Variants in GALNT15 observed in about 807,000 individuals in gnomAD.
GALNT15 encodes UDP-GalNAc transferase T15.
A neutral mutation model predicts 66.8 loss-of-function variants in GALNT15; 67 were observed. That is an observed-to-expected ratio of 1.00 (90% CI 0.82 to 1.23). The LOEUF (loss-of-function observed/expected upper bound fraction) is 1.23, where lower values mean the gene tolerates loss of function less well. Ranked by LOEUF, GALNT15 falls within the 50% of genes most tolerant of loss-of-function variation. The probability of loss-of-function intolerance (pLI) is 0.00; values close to 1 mark genes in which losing one functional copy is unlikely to be tolerated. For synonymous variants in GALNT15, 313 were observed against 311.5 expected, an observed-to-expected ratio of 1.00 and a Z score of -0.05; for missense variants, 827 against 804.3, an observed-to-expected ratio of 1.03 and a Z score of -0.34.
chr3:16,201,328 C>G (rs887804266), intron 3 of GALNT15, among the ~76,000 whole-genome samples: 1 of 151,980 alleles, frequency 6.6e-6, no homozygotes, highest in Non-Finnish European at 1.5e-5. Context: ...ACTACAGGCG[C>G]CCGCCACCAC....
chr3:16,202,836 C>T (rs1180897613), intron 3 of GALNT15, among the ~76,000 whole-genome samples: 1 of 152,228 alleles, frequency 6.6e-6, no homozygotes, highest in Non-Finnish European at 1.5e-5. Context: ...TGTCTTACCT[C>T]ATGATTTCGC....
chr3:16,175,538 A>C lies in GALNT15; in HGVS notation c.387A>C (p.Glu129Asp), dbSNP rs776244969. 6.2e-7 allele frequency: 1 copy of C among 1,614,064 alleles called. No homozygotes were observed. Among genetic ancestry groups the C allele is most frequent in the East Asian group, 2.2e-5 (1 of 44,870 alleles). The change falls in exon 1 of 10, where the codon GAA becomes GAC. Residue 129 changes from glutamate (E) to aspartate (D), a missense_variant. Glu to Asp is a conservative substitution (Grantham distance 45). Transcript: ENST00000339732. This position sits in a 1 kb window ranked among gnomAD's most constrained non-coding sequence, Gnocchi z 5.6. The stretch of plus-strand genomic sequence containing the variant: ...AGCAGCCAAGGAGGCAGGATAAGGA[A>C]GCCCCAAAGAGGGACTGGGGGGCTG... ...LIKQPRRQDKEAPKRDWGADE... is the reference protein window; with the variant it reads ...LIKQPRRQDKDAPKRDWGADE...
At position 16,180,738 on chromosome 3, in the gene GALNT15, T is replaced by C. The variant is rs1052018923; in HGVS notation, c.539+5048T>C. Among the ~76,000 whole-genome samples, 1 of 152,246 alleles carries C rather than the reference T, an allele frequency of 6.6e-6. No individual in the cohort carries two copies. The highest frequency in any genetic ancestry group is 2.4e-5 in the African/African-American group (1 of 41,468). ...GAGCAGAGAGGAACAGGCTCCCTCA[T>C]GGCCCCGGCAGTTTGTCCCTAAACA... is the stretch of plus-strand genomic sequence containing the variant. On this transcript the variant is annotated intron_variant, in intron 1 of 9. Coordinates refer to ENST00000339732, the MANE Select transcript of GALNT15 (RefSeq NM_054110.5). The surrounding 1 kb of genome is among the most constrained non-coding windows in gnomAD (Gnocchi z 5.0).
chr3:16,213,535 C>T (rs951442551), intron 6 of GALNT15, among the ~76,000 whole-genome samples: 6 of 151,430 alleles, frequency 4.0e-5, no homozygotes, highest in African/African-American at 4.9e-5. Flanking sequence ...ACAAACAGCA[C>T]ATTATCAATT....
At chr3:16,194,663 A>C (rs1221939218) in intron 1 of GALNT15, among the ~76,000 whole-genome samples, 1 of 152,234 alleles carries the variant, frequency 6.6e-6, no homozygotes, top group African/African-American at 2.4e-5. Context: ...AAAAGGAATG[A>C]GATCCTGTCC....
At chr3:16,216,437 T>G (rs561017722) in intron 6 of GALNT15, among the ~76,000 whole-genome samples, 1 of 151,068 alleles carries the variant, frequency 6.6e-6, no homozygotes, top group East Asian at 2.0e-4. Flanking sequence ...AGGTGGAGTT[T>G]GTAGTGAGCT....
At chr3:16,226,087 A>G (rs964505278) in intron 9 of GALNT15, among the ~76,000 whole-genome samples, 2 of 152,164 alleles carry the variant, frequency 1.3e-5, no homozygotes, top group South Asian at 2.1e-4. Context: ...GAAAGAAGCC[A>G]GTTTCAAAAG....
chr3:16,222,891 G>GCCCA, intron 9 of GALNT15, 133 bp downstream of exon 9: 2 of 1,049,354 alleles, frequency 1.9e-6, no homozygotes, highest in African/African-American at 1.6e-5. Context: ...CTTAGTGGCT[G>GCCCA]GGCAGTAAGG....
intron 8 of GALNT15, among the ~76,000 whole-genome samples, 196 bp from the exon 9 acceptor site, chr3:16,222,419 T>C (rs1423849739): frequency 6.6e-6 from 1 of 152,220 alleles, no homozygotes; most frequent in Admixed American, 6.5e-5. Context: ...GCAGGTGGAA[T>C]GTGGGGACTT....
At position 16,189,359 on chromosome 3, in the gene GALNT15, A is replaced by C. The variant is rs537144005; in HGVS notation, c.540-6401A>C. On this transcript the variant is annotated intron_variant, in intron 1 of 9. Coordinates refer to ENST00000339732, the MANE Select transcript of GALNT15 (RefSeq NM_054110.5). The surrounding 1 kb of genome is among the most constrained non-coding windows in gnomAD (Gnocchi z 5.1). ...GCATGGCACCCACTGGTGTTGGGCAATGCACCAGCCCTAGTGGTTGAGATG... is the reference window on the plus strand; with the variant it reads ...GCATGGCACCCACTGGTGTTGGGCACTGCACCAGCCCTAGTGGTTGAGATG... Among the ~76,000 whole-genome samples, 1 of 152,370 alleles carries C rather than the reference A, an allele frequency of 6.6e-6. No individual in the cohort carries two copies. Among genetic ancestry groups the C allele is most frequent in the Admixed American group, 6.5e-5 (1 of 15,312 alleles).
At position 16,211,870 on chromosome 3, in the gene GALNT15, C is replaced by T. The variant is rs190412895; in HGVS notation, c.1197+629C>T. 4.1e-4 allele frequency among the ~76,000 whole-genome samples: 63 copies of T among 152,306 alleles called. No individual in the cohort carries two copies. The highest frequency in any genetic ancestry group is 8.4e-4 in the Non-Finnish European group (57 of 68,028). On this transcript the variant is annotated intron_variant, in intron 5 of 9. Transcript: ENST00000339732. This position sits in a 1 kb window ranked among gnomAD's most constrained non-coding sequence, Gnocchi z 4.3. ...CTGCATGAAGTCCAACAGATGTCAC[C>T]GTGTTTCTCTCAAAAATTTAACCCC...
chr3:16,208,267 A>G (rs915787418), intron 3 of GALNT15, among the ~76,000 whole-genome samples: 1 of 152,220 alleles, frequency 6.6e-6, no homozygotes, highest in African/African-American at 2.4e-5. Flanking sequence ...CCAAAATATT[A>G]CCATTTCAAC....
chr3:16,216,769 C>A (rs1050130445), intron 6 of GALNT15, among the ~76,000 whole-genome samples: 1 of 152,148 alleles, frequency 6.6e-6, no homozygotes, highest in African/African-American at 2.4e-5. Flanking sequence ...TCACGTGAGG[C>A]GTTACCAGTT....
Position 16,229,625 on chromosome 3 carries a change from C to A in GALNT15, c.*2125C>A. On this transcript the variant is annotated 3_prime_UTR_variant, in exon 10 of 10. Transcript: ENST00000339732. ...GCGACCGTGTAAATGGTATTAGCGG[C>A]TGAAGAAAAAAAATTTTTCAAGACC... 1.0e-6 allele frequency: 1 copy of A among 985,292 alleles called. No individual in the cohort carries two copies. The highest frequency in any genetic ancestry group is 1.2e-6 in the Non-Finnish European group (1 of 829,902). 61.0% of individuals were successfully genotyped at this position (985,292 alleles called of 1,614,324 possible). A position where few individuals can be genotyped will look rare whatever the true frequency, so the allele number is the denominator to read the frequency against.
chr3:16,236,413 A>C (rs1181439103), downstream of GALNT15, among the ~76,000 whole-genome samples: 1 of 152,218 alleles, frequency 6.6e-6, no homozygotes, highest in African/African-American at 2.4e-5. Context: ...ATGGACAATA[A>C]TCAACAAATG....
rs75545163 is a variant in GALNT15, at chr3:16,203,352, C to T, written c.911+2529C>T. On this transcript the variant is annotated intron_variant, in intron 3 of 9. Transcript: ENST00000339732. The surrounding 1 kb of genome is among the most constrained non-coding windows in gnomAD (Gnocchi z 6.2). ...TGAAGGTAGAAAGACGTGGCACTAC[C>T]TCAGTGTCCTAGGCTAGAAAGAAAA... Among the ~76,000 whole-genome samples the T allele has an allele frequency of 0.029, 4,397 of 152,118 alleles. 105 individuals carry two copies. The highest frequency in any genetic ancestry group is 0.051 in the Admixed American group (773 of 15,286).
intron 3 of GALNT15, among the ~76,000 whole-genome samples, chr3:16,207,501 T>TAAAAAAAAAAAAAAAAAAAAAAAAAAAAA: frequency 2.5e-5 from 1 of 39,802 alleles, no homozygotes; most frequent in Non-Finnish European, 4.2e-5. Context: ...CTCCAGGCTG[T>TAAAAAAAAAAAAAAAAAAAAAAAAAAAAA]AAAAAAAAAA....
the GALNT15 span, among the ~76,000 whole-genome samples, chr3:16,237,608 A>G: frequency 6.6e-6 from 1 of 152,216 alleles, no homozygotes; most frequent in African/African-American, 2.4e-5. The surrounding 1 kb of genome is among the most constrained non-coding windows in gnomAD (Gnocchi z 4.2). Context: ...CCCAGGTGGA[A>G]GCCACAGTTG....
the GALNT15 span, among the ~76,000 whole-genome samples, chr3:16,241,915 G>A: frequency 4.6e-5 from 7 of 152,198 alleles, no homozygotes; most frequent in African/African-American, 1.7e-4. The surrounding 1 kb of genome is among the most constrained non-coding windows in gnomAD (Gnocchi z 4.6). Flanking sequence ...TCTAACTGGT[G>A]TCACTTGGTG....
Sources: gnomAD v4.1 joint callset for allele counts (sites outside exome capture counted in the v4.1 genomes callset) on GRCh38, gnomAD v4.1.1 for gene constraint, Gnocchi (gnomAD v3.1) non-coding constraint, MANE v1.5 for transcripts, NCBI Gene and HGNC (gene_info 2026-07-23, HGNC 2026-07-21) for gene names.